The following CEP57L1 variants were observed in gnomAD, a reference collection of about 807,000 sequenced individuals.
The protein encoded by CEP57L1 is centrosomal protein 57 like 1.
Under a neutral mutation model 61.0 loss-of-function variants are expected in CEP57L1, and 37 were observed. The observed-to-expected ratio is 0.61, with a 90% CI of 0.47 to 0.80. The LOEUF (loss-of-function observed/expected upper bound fraction) is 0.80. Among genes scored for constraint, CEP57L1 ranks in the 30% least tolerant of loss-of-function variants. CEP57L1 has a pLI of 0.00. For missense variants in CEP57L1, 422 were observed against 524.7 expected (o/e 0.80, Z 1.91); for synonymous variants, 137 against 162.3 (o/e 0.84, Z 1.19).
intron 1 of CEP57L1, among the ~76,000 whole-genome samples, chr6:109,114,769 A>G (rs1002943914): frequency 6.6e-6 from 1 of 152,164 alleles, no homozygotes; most frequent in Admixed American, 6.6e-5. Context: ...TTAAGTTACT[A>G]GAAATAAGTT....
chr6:109,143,961 T>C (rs1771692043), intron 1 of CEP57L1, among the ~76,000 whole-genome samples: 1 of 152,124 alleles, frequency 6.6e-6, no homozygotes, highest in African/African-American at 2.4e-5. Context: ...GAGCCAGCTG[T>C]GACTAATGTT....
intron 1 of CEP57L1, among the ~76,000 whole-genome samples, chr6:109,126,964 A>G (rs1279801985): frequency 6.6e-6 from 1 of 152,128 alleles, no homozygotes. Flanking sequence ...TCAAGAGATC[A>G]AGACCATCCT....
At chr6:109,116,084 C>CATTTTATTTTATTTT (rs557303655) in intron 1 of CEP57L1, among the ~76,000 whole-genome samples, 42 of 144,896 alleles carry the variant, frequency 2.9e-4, no homozygotes, top group African/African-American at 1.0e-3. Context: ...CCCTATTAAG[C>CATTTTATTTTATTTT]ATTTTATTTT....
rs1020587095 is a variant in CEP57L1 at position 109,113,306 on chromosome 6, G to A, written c.-4+17731G>A. On this transcript the variant is annotated intron_variant, in intron 1 of 10. Transcript: ENST00000517392. The stretch of plus-strand genomic sequence containing the variant: ...CTTCCCCTAACTTTTCCCCTCTTCC[G>A]GAGAAAAGCCCATGTCCTCCTCAGA... Among the ~76,000 whole-genome samples the A allele has an allele frequency of 4.0e-5, 6 of 151,804 alleles. No individual in the cohort carries two copies. The South Asian group carries it at 6.3e-4, about 16-fold the overall frequency.
intron 1 of CEP57L1, among the ~76,000 whole-genome samples, chr6:109,133,183 A>G (rs1774394230): frequency 6.6e-6 from 1 of 151,998 alleles, no homozygotes; most frequent in African/African-American, 2.4e-5. Flanking sequence ...GCAATCTTAT[A>G]TGTTAAGGCA....
intron 1 of CEP57L1, among the ~76,000 whole-genome samples, chr6:109,095,961 A>G (rs1050597980): frequency 1.3e-5 from 2 of 152,268 alleles, no homozygotes; most frequent in Admixed American, 6.5e-5. Context: ...TTATTTGCTC[A>G]GTCAAATGAA....
intron 4 of CEP57L1, 48 bp downstream of exon 4, chr6:109,150,287 T>C (rs1404425198): frequency 1.3e-6 from 2 of 1,566,914 alleles, no homozygotes; most frequent in South Asian, 2.3e-5. Flanking sequence ...TGTATGTTTT[T>C]GAAGAATATT....
chr6:109,145,041 G>A (rs1409591201), intron 1 of CEP57L1, among the ~76,000 whole-genome samples, 178 bp from the exon 2 acceptor site: 2 of 151,958 alleles, frequency 1.3e-5, no homozygotes, highest in Non-Finnish European at 2.9e-5. Flanking sequence ...ACAAGAAATA[G>A]TAACTTTTCT....
At position 109,170,392 on chromosome 6, in the gene CEP57L1, G is replaced by A. The variant is rs1464645791; in HGVS notation, c.*7422G>A. The stretch of plus-strand genomic sequence containing the variant: ...GGATAGGTTCTAAAAAACCTTGAGA[G>A]GCATTTTGTTGTTGTTGTTGTTGTT... On this transcript the variant is annotated 3_prime_UTR_variant, in exon 11 of 11. Coordinates refer to ENST00000517392, the MANE Select transcript of CEP57L1 (RefSeq NM_001271852.3). Among the ~76,000 whole-genome samples the A allele has an allele frequency of 6.6e-6, 1 of 152,044 alleles. No individual in the cohort carries two copies. The highest frequency in any genetic ancestry group is 1.5e-5 in the Non-Finnish European group (1 of 68,002).
chr6:109,134,893 A>G (rs1455063799), intron 1 of CEP57L1, among the ~76,000 whole-genome samples: 2 of 152,210 alleles, frequency 1.3e-5, no homozygotes, highest in African/African-American at 2.4e-5. Context: ...ACTACAAACC[A>G]CTGCTTAACG....
chr6:109,102,969 T>C (rs754502715), intron 1 of CEP57L1, among the ~76,000 whole-genome samples: 3 of 152,146 alleles, frequency 2.0e-5, no homozygotes, highest in Non-Finnish European at 4.4e-5. Flanking sequence ...TAAGTGAAAA[T>C]TGTTAGGAAG....
chr6:109,155,119 A>C (rs1410021590), intron 5 of CEP57L1, 111 bp from the exon 6 acceptor site: 1 of 506,774 alleles, frequency 2.0e-6, no homozygotes, highest in East Asian at 3.2e-5. Flanking sequence ...TTCTGCCTTA[A>C]TTTGCCAAAC....
chr6:109,145,193 C>CTGTAT (rs112133485), intron 1 of CEP57L1, 26 bp from the exon 2 acceptor site: 57 of 1,383,408 alleles, frequency 4.1e-5, no homozygotes, highest in Admixed American at 1.1e-4. Context: ...AAGCATGATA[C>CTGTAT]TATATCATTC....
chr6:109,105,997 A>C (rs1770893291), intron 1 of CEP57L1: 1 of 152,238 alleles, frequency 6.6e-6, no homozygotes, highest in South Asian at 2.1e-4. Flanking sequence ...TGAGAATCTA[A>C]AGCCTAATGA....
At chr6:109,150,450 A>G (rs1216533219) in intron 4 of CEP57L1, among the ~76,000 whole-genome samples, 1 of 151,968 alleles carries the variant, frequency 6.6e-6, no homozygotes, top group African/African-American at 2.4e-5. Flanking sequence ...AAAATGTATT[A>G]AAAAGTAAAA....
chr6:109,154,026 G>A (rs996764734), intron 5 of CEP57L1, 77 bp downstream of exon 5: 1 of 775,502 alleles, frequency 1.3e-6, no homozygotes, highest in African/African-American at 1.8e-5. Context: ...TGTGAATGTA[G>A]AGTAAATCTT....
chr6:109,149,529 G>A (rs2114892593), intron 3 of CEP57L1, among the ~76,000 whole-genome samples: 1 of 152,222 alleles, frequency 6.6e-6, no homozygotes, highest in Non-Finnish European at 1.5e-5. Flanking sequence ...TAGCCTTGTA[G>A]TATAGTTTGA....
At chr6:109,100,056 C>G (rs1230860186) in intron 1 of CEP57L1, 1 of 152,184 alleles carries the variant, frequency 6.6e-6, no homozygotes, top group Non-Finnish European at 1.5e-5. Flanking sequence ...CCTTGAGTTG[C>G]TCTTATGTTA....
At chr6:109,153,108 C>CAA (rs1172045072) in intron 4 of CEP57L1, among the ~76,000 whole-genome samples, 1 of 91,412 alleles carries the variant, frequency 1.1e-5, no homozygotes, top group Non-Finnish European at 2.2e-5. Context: ...GACTCTGTCT[C>CAA]AAAAAAAAAA....
Sources: gnomAD v4.1 joint callset for allele counts (sites outside exome capture counted in the v4.1 genomes callset) on GRCh38, gnomAD v4.1.1 for gene constraint, MANE v1.5 for transcripts, NCBI Gene and HGNC (gene_info 2026-07-23, HGNC 2026-07-21) for gene names.